IGSF11: variants seen among roughly 807,000 people sequenced by gnomAD.
IGSF11 encodes immunoglobulin superfamily member 11.
IGSF11 carries 22 observed loss-of-function variants against 41.0 expected under a neutral mutation model. The observed-to-expected ratio is 0.54, with a 90% confidence interval of 0.38 to 0.77. The LOEUF (loss-of-function observed/expected upper bound fraction) is 0.77, where lower values mean the gene tolerates loss of function less well. IGSF11 is among the 30% of genes least tolerant of loss of function. The probability of loss-of-function intolerance (pLI) is 0.00; values close to 1 mark genes in which losing one functional copy is unlikely to be tolerated. For synonymous variants in IGSF11, 219 were observed against 201.3 expected (o/e 1.09, Z -0.74); for missense variants, 444 against 530.8 (o/e 0.84, Z 1.61).
chr3:119,088,163 T>C (rs897864292), intron 1 of IGSF11, among the ~76,000 whole-genome samples: 3 of 151,836 alleles, frequency 2.0e-5, no homozygotes, highest in African/African-American at 7.3e-5. Flanking sequence ...GATTGACACA[T>C]GCTCAGTCAT....
chr3:119,039,338 C>T (rs975932131), upstream of IGSF11, among the ~76,000 whole-genome samples: 1 of 152,142 alleles, frequency 6.6e-6, no homozygotes, highest in Non-Finnish European at 1.5e-5. Flanking sequence ...TAGAGCCCAC[C>T]TACTTTCCTT....
chr3:119,076,554 C>G (rs1576768856), intron 1 of IGSF11, among the ~76,000 whole-genome samples: 1 of 152,040 alleles, frequency 6.6e-6, no homozygotes, highest in East Asian at 1.9e-4. Context: ...AGAACTCAAA[C>G]AAATTTACAA....
chr3:118,928,953 T>TA (rs998392138), intron 2 of IGSF11, among the ~76,000 whole-genome samples: 2 of 151,990 alleles, frequency 1.3e-5, no homozygotes, highest in Admixed American at 6.6e-5. Context: ...CATCAGAACA[T>TA]AAAAAAAGTC....
rs553802176 is a variant in IGSF11 at position 118,973,398 on chromosome 3, C to G, written c.53-43123G>C. On this transcript the variant is annotated intron_variant, in intron 1 of 6. Coordinates refer to ENST00000393775, the MANE Select transcript of IGSF11 (RefSeq NM_001015887.3). ...GAAAATCATTTTTTCTGTCAAGTGC[C>G]TAGGCTGCGTAGAATTTGGTGACAC... Among the ~76,000 whole-genome samples, 191 of 152,268 alleles carry G rather than the reference C, an allele frequency of 1.3e-3. 1 individual carries two copies. Among genetic ancestry groups the G allele is most frequent in the African/African-American group, 3.4e-3 (143 of 41,550 alleles).
At chr3:119,102,457 G>A (rs535009188) in intron 1 of IGSF11, among the ~76,000 whole-genome samples, 41 of 152,240 alleles carry the variant, frequency 2.7e-4, no homozygotes, top group African/African-American at 9.9e-4. Context: ...GCATAAAAGA[G>A]TCTTAATCTT....
chr3:119,015,748 T>TA (rs11320585), intron 1 of IGSF11, among the ~76,000 whole-genome samples: 3,867 of 142,030 alleles, frequency 0.027, 91 homozygotes, highest in African/African-American at 0.062. Flanking sequence ...GAATAAATGC[T>TA]AAAAAAAAAA....
intron 1 of IGSF11, among the ~76,000 whole-genome samples, chr3:118,986,166 C>T (rs1935237206): frequency 6.6e-6 from 1 of 152,130 alleles, no homozygotes; most frequent in Non-Finnish European, 1.5e-5. Context: ...TTCAAAAATC[C>T]ATTGCTTTAC....
At chr3:119,005,467 A>C (rs1333635219) in intron 1 of IGSF11, among the ~76,000 whole-genome samples, 1 of 150,230 alleles carries the variant, frequency 6.7e-6, no homozygotes, top group Admixed American at 6.6e-5. Context: ...ATTTACATTT[A>C]AAGTTAATAG....
At chr3:119,017,362 T>G (rs1268854079) in intron 1 of IGSF11, among the ~76,000 whole-genome samples, 1 of 152,048 alleles carries the variant, frequency 6.6e-6, no homozygotes, top group Non-Finnish European at 1.5e-5. Context: ...CTGAATAGAG[T>G]AGGCAATTAT....
intron 1 of IGSF11, among the ~76,000 whole-genome samples, chr3:118,944,260 T>C (rs1405468795): frequency 1.3e-5 from 2 of 152,192 alleles, no homozygotes; most frequent in African/African-American, 2.4e-5. Flanking sequence ...AGAGGTAATA[T>C]GGCATCATCA....
At chr3:118,960,414 T>C (rs767646241) in intron 1 of IGSF11, among the ~76,000 whole-genome samples, 4 of 151,544 alleles carry the variant, frequency 2.6e-5, no homozygotes, top group Non-Finnish European at 4.4e-5. Flanking sequence ...GGGAAACTGA[T>C]TGTGTATTAG....
intron 1 of IGSF11, among the ~76,000 whole-genome samples, chr3:119,045,480 G>A (rs1482487903): frequency 6.6e-6 from 1 of 152,198 alleles, no homozygotes; most frequent in Non-Finnish European, 1.5e-5. Context: ...CCCGCACATG[G>A]CTCGGAGGGT....
intron 1 of IGSF11, among the ~76,000 whole-genome samples, chr3:119,110,823 A>G (rs951344578): frequency 4.0e-5 from 6 of 151,448 alleles, no homozygotes; most frequent in Admixed American, 3.9e-4. Flanking sequence ...TTGTCTGTAA[A>G]GTATTTTATT....
At chr3:119,036,818 T>A (rs1356537382), upstream of IGSF11, among the ~76,000 whole-genome samples, 1 of 152,164 alleles carries the variant, frequency 6.6e-6, no homozygotes, top group African/African-American at 2.4e-5. Context: ...ACTTCTGCCT[T>A]GCCAGGCAAG....
At chr3:118,941,341 T>C (rs959594278) in intron 1 of IGSF11, among the ~76,000 whole-genome samples, 2 of 152,104 alleles carry the variant, frequency 1.3e-5, no homozygotes, top group Non-Finnish European at 2.9e-5. Context: ...TCACTATGCA[T>C]AGAAAGTATA....
chr3:119,026,507 G>A (rs1008072220), intron 1 of IGSF11, among the ~76,000 whole-genome samples: 5 of 152,138 alleles, frequency 3.3e-5, no homozygotes, highest in African/African-American at 1.2e-4. Flanking sequence ...TACAAAAGCA[G>A]TAGTGGGTGA....
chr3:119,059,732 G>C (rs1941994237), intron 1 of IGSF11, among the ~76,000 whole-genome samples: 1 of 151,802 alleles, frequency 6.6e-6, no homozygotes, highest in Admixed American at 6.6e-5. Context: ...CAATTTTCCA[G>C]AGTTTGATTT....
chr3:119,121,676 G>A (rs2077335289), intron 1 of IGSF11, among the ~76,000 whole-genome samples: 1 of 152,106 alleles, frequency 6.6e-6, no homozygotes, highest in Non-Finnish European at 1.5e-5. Context: ...ACTCTGAGTT[G>A]ATAAACATAA....
intron 4 of IGSF11, among the ~76,000 whole-genome samples, chr3:118,921,129 C>A (rs947541960): frequency 1.3e-5 from 2 of 152,188 alleles, no homozygotes; most frequent in East Asian, 3.8e-4. Flanking sequence ...CCTAACTAAT[C>A]TGTCTTACCC....
Sources: gnomAD v4.1 joint callset for allele counts (sites outside exome capture counted in the v4.1 genomes callset) on GRCh38, gnomAD v4.1.1 for gene constraint, MANE v1.5 for transcripts, NCBI Gene and HGNC (gene_info 2026-07-23, HGNC 2026-07-21) for gene names.